Variants in ST7L observed in about 807,000 individuals in gnomAD.
ST7L encodes suppressor of tumorigenicity 7 protein-like.
A neutral mutation model predicts 72.5 loss-of-function variants in ST7L; 57 were observed. The observed-to-expected ratio is 0.79, with a 90% CI of 0.64 to 0.98. The LOEUF (loss-of-function observed/expected upper bound fraction) is 0.98, where lower values mean the gene tolerates loss of function less well. ST7L is among the 50% of genes least tolerant of loss of function. The pLI is 0.00. For missense variants in ST7L, 576 were observed against 672.2 expected (o/e 0.86, Z 1.58); for synonymous variants, 221 against 240.9 (o/e 0.92, Z 0.77).
At chr1:112,581,833 A>G (rs879165609) in intron 9 of ST7L, among the ~76,000 whole-genome samples, 159 bp downstream of exon 9, 2 of 152,242 alleles carry the variant, frequency 1.3e-5, no homozygotes, top group African/African-American at 4.8e-5. Context: ...TTTGCTAATG[A>G]AAGTCCTGAT....
intron 13 of ST7L, among the ~76,000 whole-genome samples, chr1:112,547,262 G>A (rs556237620): frequency 6.5e-4 from 96 of 148,450 alleles, no homozygotes; most frequent in African/African-American, 2.2e-3. Flanking sequence ...GCACGATCTC[G>A]GCTCACTGCA....
chr1:112,570,795 C>T (rs1397429220), intron 11 of ST7L: 1 of 455,890 alleles, frequency 2.2e-6, no homozygotes, highest in South Asian at 1.6e-5. Context: ...CCAGAGCTCT[C>T]CCAGTTCATA....
chr1:112,543,422 C>G (rs1656503892), intron 13 of ST7L, among the ~76,000 whole-genome samples: 1 of 152,134 alleles, frequency 6.6e-6, no homozygotes, highest in South Asian at 2.1e-4. Context: ...GTGACACGCG[C>G]CTATAGTCCC....
chr1:112,605,451 G>A (rs1448910267), intron 3 of ST7L, among the ~76,000 whole-genome samples: 2 of 151,970 alleles, frequency 1.3e-5, no homozygotes, highest in Non-Finnish European at 2.9e-5. Flanking sequence ...AGCACTTTGG[G>A]AGGCCAAGAC....
rs543705091 is a variant in ST7L at position 112,584,783 on chromosome 1, C to T, written c.702-657G>A. Among the ~76,000 whole-genome samples the T allele has an allele frequency of 9.9e-5, 15 of 152,226 alleles. No individual in the cohort carries two copies. In the South Asian group the frequency reaches 1.5e-3, roughly 15 times the overall value. On this transcript the variant is annotated intron_variant, in intron 6 of 14. Coordinates refer to ENST00000358039, the MANE Select transcript of ST7L (RefSeq NM_017744.5). ...GATTACAGGCGTGAGCCACCATGCC[C>T]GGTTGATCATACCTGCTTTTAGTCG...
chr1:112,557,212 A>T (rs1659348926), intron 11 of ST7L, among the ~76,000 whole-genome samples: 1 of 152,060 alleles, frequency 6.6e-6, no homozygotes, highest in African/African-American at 2.4e-5. Context: ...TCATCACTTC[A>T]AAAGAAAATC....
rs576811426 is a variant in ST7L, at chr1:112,618,093, T to C, written c.205+816A>G. Reference sequence around the variant, plus strand: ...TCAACCACCATACTGAATCATGTAATGGAAATACTTATATCTTGTTCTGAG... The same window carrying C: ...TCAACCACCATACTGAATCATGTAACGGAAATACTTATATCTTGTTCTGAG... On this transcript the variant is annotated intron_variant, in intron 1 of 14. Coordinates refer to ENST00000358039, the MANE Select transcript of ST7L (RefSeq NM_017744.5). 57 of 1,302,654 alleles carry C rather than the reference T, an allele frequency of 4.4e-5. No homozygotes were observed. The African/African-American group carries it at 8.0e-4, about 18-fold the overall frequency. 80.7% of individuals were successfully genotyped at this position (1,302,654 alleles called of 1,614,324 possible). A position where few individuals can be genotyped will look rare whatever the true frequency, so the allele number is the denominator to read the frequency against.
intron 3 of ST7L, among the ~76,000 whole-genome samples, chr1:112,605,162 C>T (rs574712100): frequency 6.0e-5 from 9 of 149,736 alleles, no homozygotes; most frequent in East Asian, 3.9e-4. Context: ...GAGACCAAGG[C>T]GGGTGGATCA....
intron 3 of ST7L, among the ~76,000 whole-genome samples, chr1:112,603,418 G>C (rs1200604601): frequency 6.6e-6 from 1 of 152,152 alleles, no homozygotes; most frequent in East Asian, 1.9e-4. Context: ...ACTTTCAGAA[G>C]AGTACTCATA....
intron 14 of ST7L, 84 bp from the exon 15 acceptor site, chr1:112,526,195 C>T (rs939567652): frequency 1.9e-6 from 3 of 1,584,312 alleles, no homozygotes; most frequent in Admixed American, 1.7e-5. Flanking sequence ...GCACAGTTTA[C>T]AAAGGAACAG....
At chr1:112,577,996 G>C (rs1012907288) in intron 10 of ST7L, among the ~76,000 whole-genome samples, 2 of 152,060 alleles carry the variant, frequency 1.3e-5, no homozygotes, top group Non-Finnish European at 2.9e-5. Context: ...ACTATTTGGT[G>C]TGTGTACTTT....
intron 1 of ST7L, 62 bp downstream of exon 1, chr1:112,618,833 TCTCTTGCCCTTTGG>T (rs1670372868): frequency 3.3e-6 from 5 of 1,519,356 alleles, no homozygotes; most frequent in East Asian, 4.9e-5. Context: ...CTACCGAGAA[TCTCTTGCCCTTTGG>T]CTCTTGCCCC....
chr1:112,520,202 T>C, downstream of ST7L: 2 of 1,398,258 alleles, frequency 1.4e-6, no homozygotes, highest in Non-Finnish European at 2.0e-6. Context: ...TTTATCTTCC[T>C]TCTGAGAATG....
At chr1:112,523,031 G>A (rs1652963955), downstream of ST7L, 1 of 152,240 alleles carries the variant, frequency 6.6e-6, no homozygotes, top group African/African-American at 2.4e-5. Context: ...TTATATGCCA[G>A]GCTGCTGGGG....
intron 9 of ST7L, among the ~76,000 whole-genome samples, chr1:112,580,906 C>T (rs796822170): frequency 3.3e-5 from 5 of 152,258 alleles, no homozygotes; most frequent in Middle Eastern, 3.4e-3. Context: ...CCCGCCCAGG[C>T]GACAGAGTGA....
At chr1:112,597,832 C>A (rs984619191) in intron 5 of ST7L, 139 bp downstream of exon 5, 2 of 462,440 alleles carry the variant, frequency 4.3e-6, no homozygotes, top group Non-Finnish European at 7.3e-6. Flanking sequence ...ATAATTTAAT[C>A]TGAGTTTGTT....
intron 11 of ST7L, among the ~76,000 whole-genome samples, chr1:112,568,887 T>TATATATATATAA (rs1308318369): frequency 1.1e-3 from 144 of 131,506 alleles, no homozygotes; most frequent in Admixed American, 6.3e-3. Context: ...TATATATATA[T>TATATATATATAA]AAAACAAAAA....
intron 13 of ST7L, among the ~76,000 whole-genome samples, chr1:112,542,920 C>G (rs1656397987): frequency 6.6e-6 from 1 of 151,998 alleles, no homozygotes; most frequent in Admixed American, 6.5e-5. Context: ...GTGCCTTAGC[C>G]TCCCAAGTAG....
At chr1:112,583,098 T>G (rs906212608) in intron 7 of ST7L, among the ~76,000 whole-genome samples, 1 of 152,194 alleles carries the variant, frequency 6.6e-6, no homozygotes, top group Admixed American at 6.5e-5. Flanking sequence ...TACAAAATTA[T>G]ATATTCCCAC....
Sources: allele counts gnomAD v4.1 joint callset (sites outside exome capture counted in the v4.1 genomes callset), GRCh38; gene constraint gnomAD v4.1.1; transcripts MANE v1.5; gene names NCBI Gene and HGNC (gene_info 2026-07-23, HGNC 2026-07-21).